Variants in CNIH3 observed in about 807,000 individuals in gnomAD.
CNIH3 encodes protein cornichon homolog 3.
CNIH3 carries 14 observed loss-of-function variants against 24.1 expected under a neutral mutation model. That is an observed-to-expected ratio of 0.58 (90% confidence interval 0.38 to 0.91). CNIH3 has a LOEUF of 0.91. Ranked by LOEUF, CNIH3 falls within the 40% of genes least tolerant of loss-of-function variation. CNIH3 has a pLI of 0.00. For missense variants in CNIH3, 178 were observed against 196.8 expected (o/e 0.90, Z 0.57); for synonymous variants, 68 against 73.8 (o/e 0.92, Z 0.40).
intron 1 of CNIH3, among the ~76,000 whole-genome samples, chr1:224,461,981 T>C (rs556183148): frequency 6.6e-6 from 1 of 152,218 alleles, no homozygotes; most frequent in Non-Finnish European, 1.5e-5. Context: ...TCAGTACTTC[T>C]TTCCTTTTTT....
intron 1 of CNIH3, among the ~76,000 whole-genome samples, chr1:224,479,013 C>T (rs1676694820): frequency 6.6e-6 from 1 of 152,134 alleles, no homozygotes; most frequent in Non-Finnish European, 1.5e-5. Context: ...CCTCCTACAA[C>T]ATGTGGGAAT....
chr1:224,590,589 A>G (rs1681710513), downstream of CNIH3, among the ~76,000 whole-genome samples: 2 of 152,158 alleles, frequency 1.3e-5, no homozygotes, highest in African/African-American at 4.8e-5. Context: ...GTGGAAGGTC[A>G]AGAGAAAGCA....
intron 3 of CNIH3, among the ~76,000 whole-genome samples, chr1:224,685,598 A>G (rs77819770): frequency 0.059 from 9,030 of 152,324 alleles, 369 homozygotes; most frequent in Non-Finnish European, 0.086. Context: ...TACAGGCCAT[A>G]TGAAAGCCAC....
At chr1:224,637,270 T>C (rs974354688) in intron 1 of CNIH3, among the ~76,000 whole-genome samples, 4 of 152,088 alleles carry the variant, frequency 2.6e-5, no homozygotes, top group African/African-American at 4.8e-5. Context: ...CTTTCTTTAC[T>C]TGTGAGCAGA....
chr1:224,540,427 G>A (rs1323002349), downstream of CNIH3, among the ~76,000 whole-genome samples: 1 of 152,152 alleles, frequency 6.6e-6, no homozygotes, highest in African/African-American at 2.4e-5. Flanking sequence ...GTTTAAATGG[G>A]ACATTTTTAG....
At chr1:224,505,047 TTCC>T (rs1677851363) in intron 1 of CNIH3, among the ~76,000 whole-genome samples, 1 of 120,888 alleles carries the variant, frequency 8.3e-6, no homozygotes, top group Non-Finnish European at 1.6e-5. Context: ...CCTTCCTTCC[TTCC>T]TTCCTTCCTT....
At chr1:224,736,798 T>C (rs1432406644) in intron 5 of CNIH3, among the ~76,000 whole-genome samples, 2 of 152,250 alleles carry the variant, frequency 1.3e-5, no homozygotes, top group Non-Finnish European at 2.9e-5. Flanking sequence ...ACTCCAAGTC[T>C]GAACTATTTA....
At chr1:224,683,754 T>G (rs1258240703) in intron 2 of CNIH3, among the ~76,000 whole-genome samples, 3 of 152,246 alleles carry the variant, frequency 2.0e-5, no homozygotes, top group African/African-American at 7.2e-5. Flanking sequence ...GTAGATGTTG[T>G]CCTTCAGGGG....
intron 2 of CNIH3, among the ~76,000 whole-genome samples, chr1:224,543,097 CTG>C (rs970126635): frequency 6.6e-6 from 1 of 152,134 alleles, no homozygotes; most frequent in Non-Finnish European, 1.5e-5. Context: ...AGCCGGATCT[CTG>C]GAGAGGGGAG....
intron 4 of CNIH3, among the ~76,000 whole-genome samples, chr1:224,567,755 A>G (rs1680638979): frequency 6.6e-6 from 1 of 152,168 alleles, no homozygotes; most frequent in Non-Finnish European, 1.5e-5. Flanking sequence ...CAAAAAGATA[A>G]CCACCCAGGT....
At chr1:224,667,426 C>G (rs1685647399) in intron 1 of CNIH3, among the ~76,000 whole-genome samples, 1 of 152,112 alleles carries the variant, frequency 6.6e-6, no homozygotes, top group Admixed American at 6.6e-5. Context: ...AAAGGGGATT[C>G]ACATCTACAA....
rs1161253535 is a variant in CNIH3 at position 224,626,640 on chromosome 1, T to G, written c.81+9385T>G. Among the ~76,000 whole-genome samples the G allele has an allele frequency of 1.3e-5, 2 of 152,294 alleles. 1 individual carries two copies. On this transcript the variant is annotated intron_variant, in intron 1 of 5. Coordinates refer to ENST00000272133, the MANE Select transcript of CNIH3 (RefSeq NM_152495.2). The stretch of plus-strand genomic sequence containing the variant: ...AGGGCATGGGGATTGAAGACTAATC[T>G]TGAGGTCTCATGGGATCGACATAAA...
chr1:224,471,842 G>T (rs1001908141), intron 1 of CNIH3, among the ~76,000 whole-genome samples: 1 of 151,938 alleles, frequency 6.6e-6, no homozygotes, highest in African/African-American at 2.4e-5. Context: ...CACCGGCCTC[G>T]GCCTCCCAAA....
chr1:224,512,718 C>T (rs1179693832), upstream of CNIH3, among the ~76,000 whole-genome samples: 2 of 152,202 alleles, frequency 1.3e-5, no homozygotes, highest in Non-Finnish European at 2.9e-5. Flanking sequence ...CCCTGCCACC[C>T]CTCCAGCCCA....
In CNIH3 at chr1:224,734,655, C is replaced by G. The variant is rs1192506128; in HGVS notation, c.404C>G (p.Ala135Gly). ...ADTLSYCQKE[A>G]WCKLAFYLLS... is the part of the protein sequence containing the mutation. ...ACTTTGAGTTACTGTCAGAAGGAGGCCTGGTGTAAGCTGGCCTTCTATCTC... is the reference window on the plus strand; with the variant it reads ...ACTTTGAGTTACTGTCAGAAGGAGGGCTGGTGTAAGCTGGCCTTCTATCTC... The change falls in exon 5 of 6, where the codon GCC (alanine) becomes GGC (glycine). Residue 135 changes from alanine (A) to glycine (G), a missense_variant. By Grantham distance (60) the Ala-to-Gly change is moderately conservative. Coordinates refer to ENST00000272133, the MANE Select transcript of CNIH3 (RefSeq NM_152495.2). 7 of 1,614,152 alleles carry G rather than the reference C, an allele frequency of 4.3e-6. No homozygotes were observed. Among genetic ancestry groups the G allele is most frequent in the Non-Finnish European group, 5.9e-6 (7 of 1,179,998 alleles).
chr1:224,628,769 A>G (rs1489171608), intron 1 of CNIH3, among the ~76,000 whole-genome samples: 1 of 152,036 alleles, frequency 6.6e-6, no homozygotes, highest in Non-Finnish European at 1.5e-5. Context: ...GGGAGGTGGG[A>G]CATGTGTCAT....
chr1:224,695,875 T>C (rs1687152893), intron 3 of CNIH3, among the ~76,000 whole-genome samples: 1 of 152,226 alleles, frequency 6.6e-6, no homozygotes, highest in Non-Finnish European at 1.5e-5. Context: ...TTGGGAGTTT[T>C]GCTATGAGAA....
chr1:224,658,987 G>A (rs1232791116), intron 1 of CNIH3, among the ~76,000 whole-genome samples: 1 of 152,164 alleles, frequency 6.6e-6, no homozygotes, highest in Non-Finnish European at 1.5e-5. Context: ...TTCTGACACA[G>A]AGGCCCAGAT....
chr1:224,597,510 T>C lies in CNIH3; in HGVS notation n.402+31246T>C, dbSNP rs137884296. ...AATCACATTTCTACATGGTTGTCCA[T>C]GTTTCAGTCATGCCTACCCAAAGAA... On this transcript the variant is annotated intron_variant and non_coding_transcript_variant, in intron 3 of 7. Transcript: ENST00000478120. Among the ~76,000 whole-genome samples the C allele has an allele frequency of 4.7e-4, 72 of 152,330 alleles. 1 individual carries two copies. The highest frequency in any genetic ancestry group is 6.8e-3 in the Middle Eastern group (2 of 294).
Sources: gnomAD v4.1 joint callset for allele counts (sites outside exome capture counted in the v4.1 genomes callset) on GRCh38, gnomAD v4.1.1 for gene constraint, MANE v1.5 for transcripts, NCBI Gene and HGNC (gene_info 2026-07-23, HGNC 2026-07-21) for gene names.